MICAL1: variants seen among roughly 807,000 people sequenced by gnomAD.
MICAL1 encodes the protein microtubule associated monooxygenase, calponin and LIM domain containing 1.
A neutral mutation model predicts 131.8 loss-of-function variants in MICAL1; 95 were observed. That is an observed-to-expected ratio of 0.72 (90% confidence interval 0.61 to 0.86). The LOEUF (loss-of-function observed/expected upper bound fraction) is 0.86, where lower values mean the gene tolerates loss of function less well. Ranked by LOEUF, MICAL1 falls within the 40% of genes least tolerant of loss-of-function variation. The pLI, the probability that MICAL1 is intolerant of heterozygous loss-of-function variation, is 0.00. For missense variants in MICAL1, 1,292 were observed against 1,380.6 expected (o/e 0.94, Z 1.02); for synonymous variants, 546 against 554.2 (o/e 0.99, Z 0.21).
rs9320288 is a variant in MICAL1, at chr6:109,446,727, G to T, written c.2273C>A (p.Ala758Glu). ...CTCAGGGCCTCTATCGCTGCCTTCC[G>T]CTTTGTGGTCTGTCTGGGGCAGGTG... ...LQHLPQTDHK[A>E]EGSDRGPESP... Residue 758 changes from alanine (A) to glutamate (E), a missense_variant, in exon 18 of 25, where the codon GCG becomes GAG. Ala to Glu is a moderately radical substitution (Grantham distance 107, BLOSUM62 -1). Transcript: ENST00000358807. 0.46 allele frequency: 738,582 copies of T among 1,610,836 alleles called. 173,398 individuals are homozygous for T. The highest frequency in any genetic ancestry group is 0.72 in the African/African-American group (53,573 of 74,896).
chr6:109,455,598 A>AGACCTGCCT lies in MICAL1; in HGVS notation c.-44+112_-44+120dup, dbSNP rs1775715539. ...GCGTGAGCAGGGCTGGGCTGAGGGA[A>AGACCTGCCT]GACCTGCCTGACCTGCCAGGCGTGG... On this transcript the variant is annotated intron_variant, in intron 1 of 24. Transcript: ENST00000358807. This position sits in a 1 kb window ranked among gnomAD's most constrained non-coding sequence, Gnocchi z 4.7. 1 of 656,742 alleles carries AGACCTGCCT rather than the reference A, an allele frequency of 1.5e-6. No individual in the cohort carries two copies. The highest frequency in any genetic ancestry group is 1.9e-6 in the Non-Finnish European group (1 of 529,098). 40.7% of individuals were successfully genotyped at this position (656,742 alleles called of 1,614,324 possible). A position where few individuals can be genotyped will look rare whatever the true frequency, so the allele number is the denominator to read the frequency against.
rs1562287738 is a variant in MICAL1, at chr6:109,447,054, G to GT, written c.2227+18dup. ...GGCCAGGCCCAGAGTCTCTCTGGAG[G>GT]TCTCCCAGGCCCACTCACCATCTCC... On this transcript the variant is annotated intron_variant, in intron 17 of 24. Transcript: ENST00000358807. 1.2e-6 allele frequency: 2 copies of GT among 1,612,166 alleles called. No homozygotes were observed. Among genetic ancestry groups the GT allele is most frequent in the East Asian group, 4.5e-5 (2 of 44,864 alleles).
At position 109,450,298 on chromosome 6, in the gene MICAL1, A is replaced by G. The variant is rs1219592650; in HGVS notation, c.1191+2T>C. ...AACCCCTGTGCCTCCTGAACCCCTC[A>G]CCTCCACCAGGCAGTCCCCCACCAG... is the stretch of plus-strand genomic sequence containing the variant. On this transcript the variant is annotated splice_donor_variant, in intron 8 of 24. Transcript: ENST00000358807. LOFTEE classifies it high-confidence loss of function. 2.5e-6 allele frequency: 4 copies of G among 1,599,138 alleles called. No homozygotes were observed. Among genetic ancestry groups the G allele is most frequent in the Non-Finnish European group, 3.4e-6 (4 of 1,169,584 alleles).
chr6:109,451,463 T>G, intron 7 of MICAL1, 137 bp downstream of exon 7: 1 of 1,029,860 alleles, frequency 9.7e-7, no homozygotes, highest in Non-Finnish European at 1.4e-6. Context: ...CAAGAGAACT[T>G]TTAGAGGTGA....
At chr6:109,448,552 G>T in intron 12 of MICAL1, 159 bp from the exon 13 acceptor site, 1 of 1,249,006 alleles carries the variant, frequency 8.0e-7, no homozygotes, top group Non-Finnish European at 1.1e-6. Flanking sequence ...CCAACCCAGT[G>T]ACACTACTCC....
chr6:109,456,855 G>A (rs1775765624), upstream of MICAL1, among the ~76,000 whole-genome samples: 1 of 152,208 alleles, frequency 6.6e-6, no homozygotes, highest in Non-Finnish European at 1.5e-5. Context: ...ACAGCAAGTG[G>A]CAGAGCTGTT....
In MICAL1 at chr6:109,444,289, T is replaced by A; in HGVS notation, c.3106A>T (p.Lys1036Ter). The A allele has an allele frequency of 1.2e-6, 2 of 1,613,528 alleles. No individual in the cohort carries two copies. Among genetic ancestry groups the A allele is most frequent in the Non-Finnish European group, 1.7e-6 (2 of 1,180,034 alleles). ...CTCTGGTTGACCAAATCCACCAGCT[T>A]CCTCAGGACCTGGTCCTCAGCCTGC... ...DRQAEDQVLR[K>*]LVDLVNQRDA... The change falls in exon 25 of 25, where the codon AAG becomes TAG. Residue 1036 changes from lysine (K) to a stop codon, truncating the protein, a stop_gained. Transcript: ENST00000358807. LOFTEE classifies it high-confidence loss of function.
rs751354583 is a variant in MICAL1, at chr6:109,447,233, C to T, written c.2071-4G>A. 2.2e-5 allele frequency: 35 copies of T among 1,613,862 alleles called. 1 individual carries two copies. The highest frequency in any genetic ancestry group is 8.8e-5 in the South Asian group (8 of 91,078). On this transcript the variant is annotated splice_region_variant and splice_polypyrimidine_tract_variant and intron_variant, in intron 16 of 24. Transcript: ENST00000358807. ...CACACAGGTCCCCAGCACCGGCCTGCGTGGACCCCCAGGACACAGGGTCAG... is the reference window on the plus strand; with the variant it reads ...CACACAGGTCCCCAGCACCGGCCTGTGTGGACCCCCAGGACACAGGGTCAG...
chr6:109,452,368 G>A lies in MICAL1; in HGVS notation c.710C>T (p.Ala237Val), dbSNP rs1373588011. Residue 237 changes from alanine to valine, a missense_variant, in exon 6 of 25, where the codon GCC becomes GTC. By Grantham distance (64) the Ala-to-Val change is moderately conservative. Transcript: ENST00000358807. ...FKVREMRGKL[A>V]IGITANFVNG... is the part of the protein sequence containing the mutation. ...CACAAAGTTGGCTGTGATGCCAATGGCCAGTTTGCCTCGCATTTCTCGAAC... is the reference window on the plus strand; with the variant it reads ...CACAAAGTTGGCTGTGATGCCAATGACCAGTTTGCCTCGCATTTCTCGAAC... 6.2e-7 allele frequency: 1 copy of A among 1,614,210 alleles called. No homozygotes were observed. The highest frequency in any genetic ancestry group is 1.7e-5 in the Admixed American group (1 of 60,022).
At chr6:109,452,712 A>C in intron 4 of MICAL1, 97 bp from the exon 5 acceptor site, 1 of 859,954 alleles carries the variant, frequency 1.2e-6, no homozygotes, top group Non-Finnish European at 1.8e-6. Context: ...CGTGTAAAGG[A>C]CTCTCTGGTT....
chr6:109,454,534 C>T (rs548715636), intron 1 of MICAL1: 2 of 388,074 alleles, frequency 5.2e-6, no homozygotes, highest in Non-Finnish European at 9.5e-6. Context: ...GATCTCCAAG[C>T]CCTGGGGTAG....
At chr6:109,445,095 A>T in intron 22 of MICAL1, 100 bp from the exon 23 acceptor site, 2 of 1,569,056 alleles carry the variant, frequency 1.3e-6, no homozygotes, top group Non-Finnish European at 8.7e-7. Context: ...TGTCACAGGT[A>T]TGTGTTAGCT....
chr6:109,446,284 C>T lies in MICAL1; in HGVS notation c.2433G>A (p.Pro811=), dbSNP rs201370949. Residue 811 remains proline, a synonymous_variant, in exon 19 of 25, where the codon CCG becomes CCA. Transcript: ENST00000358807. ...PTRRQIRLSS[P]ERQRLSSLNL... is the part of the protein sequence containing the mutation. ...TAAGGGAGGACAACCGCTGGCGCTC[C>T]GGGCTGGAGAGGCGGATCTGCCGAC... 42 of 1,613,440 alleles carry T rather than the reference C, an allele frequency of 2.6e-5. No homozygotes were observed. Among genetic ancestry groups the T allele is most frequent in the Admixed American group, 1.5e-4 (9 of 59,910 alleles).
chr6:109,465,341 AG>A, intron 1 of MICAL1: 1 of 347,708 alleles, frequency 2.9e-6, no homozygotes, highest in Admixed American at 4.5e-5. Flanking sequence ...AATTATTAAA[AG>A]GGCAAATTCC....
upstream of MICAL1, among the ~76,000 whole-genome samples, chr6:109,458,124 A>G (rs933167501): frequency 3.2e-5 from 2 of 62,848 alleles, no homozygotes; most frequent in Non-Finnish European, 7.6e-5. Flanking sequence ...TTCTTCCAAG[A>G]AAAAAAAAAA....
At chr6:109,451,747 A>G (rs780210245) in intron 6 of MICAL1, 47 bp from the exon 7 acceptor site, 139 of 1,606,958 alleles carry the variant, frequency 8.6e-5, no homozygotes, top group Non-Finnish European at 1.1e-4. Flanking sequence ...CTGATAATGC[A>G]TCACCTTCCC....
chr6:109,446,936 AGAGAAGACCCT>A, intron 17 of MICAL1, 126 bp downstream of exon 17: 2 of 1,263,482 alleles, frequency 1.6e-6, no homozygotes, highest in South Asian at 2.7e-5. Context: ...TGCAGGGGAC[AGAGAAGACCCT>A]GAGCTCAGGA....
At chr6:109,458,054 T>C (rs1775800382), upstream of MICAL1, among the ~76,000 whole-genome samples, 1 of 151,988 alleles carries the variant, frequency 6.6e-6, no homozygotes, top group African/African-American at 2.4e-5. Flanking sequence ...AATCCTATCA[T>C]TCAATGCTGT....
chr6:109,445,804 T>G lies in MICAL1; in HGVS notation c.2640A>C (p.Glu880Asp). Residue 880 changes from glutamate (E) to aspartate (D), a missense_variant, in exon 20 of 25, where the codon GAA becomes GAC. Physicochemically the swap from Glu to Asp is conservative, Grantham distance 45. Coordinates refer to ENST00000358807, the MANE Select transcript of MICAL1 (RefSeq NM_022765.4). ...CATCTGAGTCCAAAGGCACATCTTC[T>G]TCTTCCTCTTCACTGGAGAAGGGAC... ...KESPFSSEEE[E>D]EDVPLDSDVE... The G allele has an allele frequency of 6.2e-7, 1 of 1,611,732 alleles. No individual in the cohort carries two copies. The highest frequency in any genetic ancestry group is 8.5e-7 in the Non-Finnish European group (1 of 1,179,102).
Sources: allele counts gnomAD v4.1 joint callset (sites outside exome capture counted in the v4.1 genomes callset), GRCh38; gene constraint gnomAD v4.1.1; non-coding constraint Gnocchi (gnomAD v3.1); transcripts MANE v1.5; gene names NCBI Gene and HGNC (gene_info 2026-07-23, HGNC 2026-07-21).